Variants in XPO7 observed in about 807,000 individuals in gnomAD.
XPO7 encodes the protein exportin-7.
XPO7 carries 21 observed loss-of-function variants against 144.3 expected under a neutral mutation model. The ratio of observed to expected loss-of-function variants is 0.15; its 90% CI spans 0.10 to 0.21. The LOEUF (loss-of-function observed/expected upper bound fraction) is 0.21, where lower values mean the gene tolerates loss of function less well. Among genes scored for constraint, XPO7 ranks in the 10% least tolerant of loss-of-function variants. The pLI is 1.00. For synonymous variants in XPO7, 580 were observed against 499.6 expected, an observed-to-expected ratio of 1.16 and a Z score of -2.15; for missense variants, 808 against 1,325.8, an observed-to-expected ratio of 0.61 and a Z score of 6.06.
chr8:21,927,382 T>A (rs914959265), intron 1 of XPO7, among the ~76,000 whole-genome samples: 4 of 152,148 alleles, frequency 2.6e-5, no homozygotes, highest in African/African-American at 7.2e-5. Flanking sequence ...AGCAGAATGT[T>A]GTGAGCAAGA....
chr8:21,976,586 T>C, intron 7 of XPO7, 65 bp downstream of exon 7: 2 of 1,483,058 alleles, frequency 1.3e-6, no homozygotes, highest in East Asian at 2.4e-5. Context: ...TGTAGAATGA[T>C]CTAAAGAACT....
intron 13 of XPO7, among the ~76,000 whole-genome samples, chr8:21,986,302 C>G (rs190669154): frequency 6.6e-6 from 1 of 152,166 alleles, no homozygotes; most frequent in East Asian, 1.9e-4. Flanking sequence ...TACAGGCATG[C>G]GTCACCACAT....
chr8:21,954,654 G>T (rs948862786), intron 1 of XPO7, among the ~76,000 whole-genome samples: 12 of 151,988 alleles, frequency 7.9e-5, no homozygotes, highest in Middle Eastern at 3.4e-3. Context: ...ATAAATAAAT[G>T]AAATAAATAA....
intron 3 of XPO7, chr8:21,969,801 T>A: frequency 1.8e-6 from 1 of 558,866 alleles, no homozygotes; most frequent in East Asian, 3.0e-5. Context: ...ATCGGGAGAT[T>A]TCTTCATTCA....
chr8:21,956,729 A>T, intron 1 of XPO7, among the ~76,000 whole-genome samples: 1 of 150,618 alleles, frequency 6.6e-6, no homozygotes, highest in African/African-American at 2.4e-5. Context: ...ATGTTCTTTG[A>T]ATGTCTTTTT....
intron 1 of XPO7, among the ~76,000 whole-genome samples, chr8:21,956,115 A>T (rs1811526347): frequency 6.6e-6 from 1 of 152,202 alleles, no homozygotes; most frequent in African/African-American, 2.4e-5. Flanking sequence ...CATGGAGGAT[A>T]GATTTTTGTG....
intron 1 of XPO7, among the ~76,000 whole-genome samples, chr8:21,936,038 A>G (rs1316738809): frequency 6.6e-6 from 1 of 152,218 alleles, no homozygotes; most frequent in East Asian, 1.9e-4. Flanking sequence ...TCGACTGGGC[A>G]TAAAATAACA....
intron 3 of XPO7, 90 bp from the exon 4 acceptor site, chr8:21,970,054 G>A: frequency 1.5e-6 from 2 of 1,376,068 alleles, no homozygotes; most frequent in Non-Finnish European, 2.0e-6. Context: ...ATAATTTCTT[G>A]GCCATTTAGC....
At chr8:21,939,510 C>T (rs530401191) in intron 1 of XPO7, among the ~76,000 whole-genome samples, 7 of 152,150 alleles carry the variant, frequency 4.6e-5, no homozygotes, top group Non-Finnish European at 1.0e-4. Context: ...TGTGAGCCAC[C>T]GCCCCAGGTC....
rs77560620 is a variant in XPO7, at chr8:21,937,363, C to T, written c.18+17575C>T. 5.4e-3 allele frequency among the ~76,000 whole-genome samples: 826 copies of T among 152,226 alleles called. 7 individuals carry two copies. Among genetic ancestry groups the T allele is most frequent in the African/African-American group, 0.019 (781 of 41,536 alleles). On this transcript the variant is annotated intron_variant, in intron 1 of 27. Coordinates refer to ENST00000252512, the MANE Select transcript of XPO7 (RefSeq NM_015024.5). Reference sequence around the variant, plus strand: ...AGGCTGAAGCACTTTTAATGTCTTACGGTAATAGTTACCAAGAAGATTAAA... The same window carrying T: ...AGGCTGAAGCACTTTTAATGTCTTATGGTAATAGTTACCAAGAAGATTAAA...
At chr8:21,977,130 C>G (rs1314689364) in intron 7 of XPO7, among the ~76,000 whole-genome samples, 4 of 152,192 alleles carry the variant, frequency 2.6e-5, no homozygotes, top group African/African-American at 9.7e-5. Context: ...TCTTTAAAAA[C>G]AAAATCAAAC....
chr8:21,922,003 A>G (rs984836029), intron 1 of XPO7, among the ~76,000 whole-genome samples: 6 of 152,214 alleles, frequency 3.9e-5, no homozygotes, highest in African/African-American at 1.4e-4. Flanking sequence ...TAAAGGATTC[A>G]TTAAAGACAG....
intron 1 of XPO7, among the ~76,000 whole-genome samples, chr8:21,933,302 A>G (rs533446857): frequency 3.0e-4 from 45 of 152,086 alleles, no homozygotes; most frequent in African/African-American, 9.4e-4. Context: ...GGGTTTCACC[A>G]TGTTAGCCAG....
chr8:21,973,448 A>G (rs1474143197), intron 5 of XPO7, among the ~76,000 whole-genome samples: 1 of 152,224 alleles, frequency 6.6e-6, no homozygotes, highest in African/African-American at 2.4e-5. Flanking sequence ...TATCTAAGAC[A>G]CATGATAACA....
At chr8:21,979,645 G>T (rs1419184181) in intron 8 of XPO7, among the ~76,000 whole-genome samples, 1 of 151,702 alleles carries the variant, frequency 6.6e-6, no homozygotes, top group East Asian at 1.9e-4. Context: ...CTGACCTCGT[G>T]ATCTGCCTGC....
chr8:21,958,506 C>T (rs1464596295), intron 1 of XPO7, among the ~76,000 whole-genome samples: 6 of 151,892 alleles, frequency 4.0e-5, no homozygotes, highest in Non-Finnish European at 4.4e-5. Context: ...ACATCACAGC[C>T]GTCTTGCCCT....
intron 17 of XPO7, 144 bp from the exon 18 acceptor site, chr8:21,990,667 T>G: frequency 1.2e-6 from 1 of 826,802 alleles, no homozygotes; most frequent in South Asian, 1.8e-5. Context: ...TAGCCTGCCT[T>G]CAAAAAAAAA....
intron 21 of XPO7, among the ~76,000 whole-genome samples, chr8:21,996,615 A>C (rs1338629552): frequency 2.0e-5 from 3 of 152,156 alleles, no homozygotes; most frequent in African/African-American, 7.2e-5. Flanking sequence ...TATTTATTAG[A>C]GAGGTTGTGG....
chr8:21,942,895 G>A (rs1344683405), intron 1 of XPO7, among the ~76,000 whole-genome samples: 1 of 152,078 alleles, frequency 6.6e-6, no homozygotes, highest in African/African-American at 2.4e-5. Flanking sequence ...CTGGGTTTTT[G>A]TTTTGTTTTG....
Sources: allele counts gnomAD v4.1 joint callset (sites outside exome capture counted in the v4.1 genomes callset), GRCh38; gene constraint gnomAD v4.1.1; transcripts MANE v1.5; gene names NCBI Gene and HGNC (gene_info 2026-07-23, HGNC 2026-07-21).